Variants in NKTR observed in about 807,000 individuals in gnomAD.
NKTR encodes the protein NK-tumor recognition protein.
Under a neutral mutation model 156.3 loss-of-function variants are expected in NKTR, and 67 were observed. The observed-to-expected ratio is 0.43, with a 90% CI of 0.35 to 0.53. The LOEUF (loss-of-function observed/expected upper bound fraction) is 0.53, where lower values mean the gene tolerates loss of function less well. Ranked by LOEUF, NKTR falls within the 20% of genes least tolerant of loss-of-function variation. NKTR has a pLI of 0.01. For synonymous variants in NKTR, 640 were observed against 596.6 expected (o/e 1.07, Z -1.06); for missense variants, 1,604 against 1,730.9 (o/e 0.93, Z 1.30).
intron 9 of NKTR, chr3:42,633,198 C>T (rs1379236538): frequency 2.3e-6 from 1 of 438,184 alleles, no homozygotes; most frequent in Non-Finnish European, 3.3e-6. Context: ...TACCACTATG[C>T]TTGGCTAATT....
At chr3:42,620,895 C>A in intron 5 of NKTR, 4 of 932,050 alleles carry the variant, frequency 4.3e-6, no homozygotes, top group Non-Finnish European at 5.1e-6. Context: ...TTTTGTGATA[C>A]AATTGAGTAT....
chr3:42,622,395 A>G (rs1043890941), intron 6 of NKTR, among the ~76,000 whole-genome samples: 12 of 152,050 alleles, frequency 7.9e-5, no homozygotes, highest in Admixed American at 7.2e-4. Flanking sequence ...TATGTTGGAG[A>G]AATATTTCAT....
In NKTR at chr3:42,639,141, C is replaced by T. The variant is rs768862884; in HGVS notation, c.3437C>T (p.Ser1146Phe). ...TCCCCAGCAAAAGTAGAGGAGACTT[C>T]CCCTCTAGGAAATGCACGGCTTGAT... ...RSSPAKVEET[S>F]PLGNARLDTP... Residue 1146 changes from serine to phenylalanine, a missense_variant, in exon 13 of 17, where the codon TCC becomes TTC. By Grantham distance (155) the Ser-to-Phe change is radical. Transcript: ENST00000232978. 1.2e-6 allele frequency: 2 copies of T among 1,614,128 alleles called. No individual in the cohort carries two copies. The highest frequency in any genetic ancestry group is 2.2e-5 in the South Asian group (2 of 91,082).
intron 7 of NKTR, chr3:42,630,896 G>A (rs1179716853): frequency 1.5e-6 from 2 of 1,367,342 alleles, no homozygotes; most frequent in Non-Finnish European, 1.9e-6. Context: ...AGGTTCCCAA[G>A]TACCAAGCGA....
At chr3:42,604,452 G>A (rs1038357736) in intron 2 of NKTR, among the ~76,000 whole-genome samples, 1 of 151,002 alleles carries the variant, frequency 6.6e-6, no homozygotes, top group African/African-American at 2.4e-5. Flanking sequence ...CATGATTTCC[G>A]TTCTTTGTGC....
chr3:42,625,143 T>C (rs914827660), intron 6 of NKTR, among the ~76,000 whole-genome samples: 17 of 152,184 alleles, frequency 1.1e-4, no homozygotes, highest in African/African-American at 3.9e-4. Context: ...ATAGTCATAA[T>C]TGCCTAGTTT....
At chr3:42,636,242 G>A (rs1407840146) in intron 12 of NKTR, among the ~76,000 whole-genome samples, 2 of 152,198 alleles carry the variant, frequency 1.3e-5, no homozygotes, top group Non-Finnish European at 2.9e-5. Flanking sequence ...GGAGGAAAAG[G>A]AATGCATCTG....
Position 42,638,551 on chromosome 3 carries a change from A to G in NKTR, c.2847A>G (p.Lys949=). 4 of 1,613,884 alleles carry G rather than the reference A, an allele frequency of 2.5e-6. No homozygotes were observed. The part of the protein sequence containing the change: ...TSLPDDNGAW[K]SSKQRTSTSD... ...TGCCTGATGATAATGGTGCTTGGAA[A>G]TCAAGCAAACAGCGCACATCAACTT... Residue 949 remains lysine, a synonymous_variant, in exon 13 of 17, where the codon AAA becomes AAG. Coordinates refer to ENST00000232978, the MANE Select transcript of NKTR (RefSeq NM_005385.4).
chr3:42,628,693 A>C (rs948507057), intron 6 of NKTR: 3 of 985,410 alleles, frequency 3.0e-6, no homozygotes, highest in African/African-American at 3.5e-5. Flanking sequence ...ACACTGTAGA[A>C]AAATTTACTT....
In NKTR at chr3:42,631,387, T is replaced by C. The variant is rs963325398; in HGVS notation, c.550+71T>C. Reference sequence around the variant, plus strand: ...CATTGCTGAAGACTGTAACTAGATTTGATTAGTGGAACTAGTGGTATAGCA... The same window carrying C: ...CATTGCTGAAGACTGTAACTAGATTCGATTAGTGGAACTAGTGGTATAGCA... On this transcript the variant is annotated intron_variant, in intron 8 of 16. Transcript: ENST00000232978. The C allele has an allele frequency of 1.1e-5, 17 of 1,554,386 alleles. No individual in the cohort carries two copies. In the African/African-American group the frequency reaches 1.9e-4, roughly 17 times the overall value.
chr3:42,635,732 C>G (rs1303726540), intron 12 of NKTR, among the ~76,000 whole-genome samples: 1 of 151,344 alleles, frequency 6.6e-6, no homozygotes, highest in Non-Finnish European at 1.5e-5. Flanking sequence ...ACAGTGAAAC[C>G]CCATCTCTAC....
intron 7 of NKTR, chr3:42,630,875 C>T (rs963438897): frequency 1.5e-6 from 2 of 1,363,178 alleles, no homozygotes; most frequent in African/African-American, 1.5e-5. Context: ...TATCATGTGT[C>T]CCTGTAAGGA....
chr3:42,619,640 C>G (rs762851445), intron 4 of NKTR, 24 bp from the exon 5 acceptor site: 4 of 1,604,856 alleles, frequency 2.5e-6, no homozygotes, highest in Admixed American at 1.7e-5. Context: ...TTCATTATGG[C>G]TTAAAGTAGG....
chr3:42,621,238 A>G (rs1294846955), intron 5 of NKTR, 191 bp from the exon 6 acceptor site: 28 of 1,265,556 alleles, frequency 2.2e-5, no homozygotes, highest in Non-Finnish European at 2.7e-5. Context: ...CAAGGCTTTA[A>G]TTAGTATCTT....
chr3:42,631,653 C>G (rs1016454644), intron 8 of NKTR, among the ~76,000 whole-genome samples: 2 of 152,178 alleles, frequency 1.3e-5, no homozygotes, highest in African/African-American at 4.8e-5. Context: ...GTGGTCTGTC[C>G]TTAACAGCAA....
chr3:42,632,409 A>G (rs1709002405), intron 8 of NKTR, among the ~76,000 whole-genome samples, 192 bp from the exon 9 acceptor site: 1 of 152,096 alleles, frequency 6.6e-6, no homozygotes, highest in Non-Finnish European at 1.5e-5. Flanking sequence ...TATAGGCTTC[A>G]TAAAGACAAG....
intron 16 of NKTR, among the ~76,000 whole-genome samples, chr3:42,645,641 G>C (rs1710295771): frequency 6.6e-6 from 1 of 152,098 alleles, no homozygotes; most frequent in Admixed American, 6.5e-5. Flanking sequence ...TTGAGAGCAT[G>C]CCGTTGCACT....
chr3:42,632,616 G>A lies in NKTR; in HGVS notation c.566G>A (p.Arg189Lys), dbSNP rs764842998. ...TTCTTAAAAGTTTTTGAGAAAAAAA[G>A]GAAGAAACCAACTCATTCAGAAGGC... is the stretch of plus-strand genomic sequence containing the variant. ...KSIKDVFEKK[R>K]KKPTHSEGSD... The change falls in exon 9 of 17, where the codon AGG (arginine) becomes AAG (lysine). Residue 189 changes from arginine to lysine, a missense_variant. Transcript: ENST00000232978. 55 of 1,600,620 alleles carry A rather than the reference G, an allele frequency of 3.4e-5. No individual in the cohort carries two copies. The highest frequency in any genetic ancestry group is 4.6e-5 in the Non-Finnish European group (54 of 1,175,982).
chr3:42,620,118 T>G, intron 5 of NKTR: 1 of 1,499,924 alleles, frequency 6.7e-7, no homozygotes, highest in Non-Finnish European at 8.9e-7. Flanking sequence ...TTATGGACAG[T>G]CTGGGTCAGG....
Sources: gnomAD v4.1 joint callset for allele counts (sites outside exome capture counted in the v4.1 genomes callset) on GRCh38, gnomAD v4.1.1 for gene constraint, MANE v1.5 for transcripts, NCBI Gene and HGNC (gene_info 2026-07-23, HGNC 2026-07-21) for gene names.